The following CDKL1 variants were observed in gnomAD, a reference collection of about 807,000 sequenced individuals.
CDKL1 encodes the protein cyclin dependent kinase like 1, also known as cyclin-dependent kinase-like 1.
In CDKL1, 41 loss-of-function variants were observed where a neutral mutation model predicts 42.0. That is an observed-to-expected ratio of 0.98 (90% confidence interval 0.76 to 1.27). CDKL1 has a LOEUF of 1.27. Ranked by LOEUF, CDKL1 falls within the 50% of genes most tolerant of loss-of-function variation. The probability of loss-of-function intolerance (pLI) is 0.00; values close to 1 mark genes in which losing one functional copy is unlikely to be tolerated. For missense variants in CDKL1, 394 were observed against 428.4 expected (o/e 0.92, Z 0.71); for synonymous variants, 153 against 158.6 (o/e 0.96, Z 0.26).
At chr14:50,337,621 C>T (rs1401349157) in intron 7 of CDKL1, among the ~76,000 whole-genome samples, 5 of 151,692 alleles carry the variant, frequency 3.3e-5, no homozygotes, top group African/African-American at 4.8e-5. Context: ...TCCTGAGTTG[C>T]TAGAATTATA....
chr14:50,337,310 A>G (rs1442377791), intron 7 of CDKL1, among the ~76,000 whole-genome samples: 2 of 148,438 alleles, frequency 1.3e-5, no homozygotes, highest in African/African-American at 5.0e-5. Flanking sequence ...TGCCCAGCCT[A>G]CACTGTTTTA....
intron 9 of CDKL1, chr14:50,331,831 A>G (rs2032959131): frequency 1.7e-6 from 1 of 599,408 alleles, no homozygotes. Context: ...GCCCTAGCCA[A>G]CTCTGACAAA....
At position 50,330,226 on chromosome 14, in the gene CDKL1, A is replaced by C. The variant is rs8006969; in HGVS notation, c.967-45T>G. On this transcript the variant is annotated intron_variant, in intron 9 of 9. Transcript: ENST00000395834. Reference sequence around the variant, plus strand: ...AATTAGGTTCAAAACTGTGCCATGCATTTTTTTCATTATTTAGAATATATC... The same window carrying C: ...AATTAGGTTCAAAACTGTGCCATGCCTTTTTTTCATTATTTAGAATATATC... 3.8e-3 allele frequency: 6,021 copies of C among 1,574,958 alleles called. 58 individuals are homozygous for C. The highest frequency in any genetic ancestry group is 0.03 in the Middle Eastern group (182 of 5,988).
At chr14:50,390,506 T>C (rs2035225587) in intron 2 of CDKL1, 2 of 539,264 alleles carry the variant, frequency 3.7e-6, no homozygotes. Context: ...GGTTTGTATT[T>C]GTTTTGTATT....
chr14:50,367,300 C>T (rs1440702804), intron 2 of CDKL1, among the ~76,000 whole-genome samples: 2 of 152,292 alleles, frequency 1.3e-5, no homozygotes, highest in African/African-American at 2.4e-5. Context: ...TTATTGGAAA[C>T]GGTATCGGTG....
rs796566573 is a variant in CDKL1 at position 50,366,759 on chromosome 14, G to A, written c.169-7610C>T. Among the ~76,000 whole-genome samples the A allele has an allele frequency of 9.3e-5, 14 of 151,208 alleles. 1 individual carries two copies. Among genetic ancestry groups the A allele is most frequent in the African/African-American group, 3.2e-4 (13 of 40,522 alleles). The stretch of plus-strand genomic sequence containing the variant: ...GGTGATCGGCTGGAGGTGAGGGACA[G>A]GGGAGAAGGAAGTGTCAAAAATGAC... On this transcript the variant is annotated intron_variant, in intron 2 of 9. Coordinates refer to ENST00000395834, the MANE Select transcript of CDKL1 (RefSeq NM_004196.7).
At chr14:50,387,421 G>C (rs916221098) in intron 2 of CDKL1, among the ~76,000 whole-genome samples, 22 of 151,962 alleles carry the variant, frequency 1.4e-4, no homozygotes, top group African/African-American at 4.8e-4. Context: ...TACTCAGGAG[G>C]CTGAGGCAGG....
chr14:50,389,626 G>A (rs944765033), intron 2 of CDKL1, among the ~76,000 whole-genome samples: 2 of 152,004 alleles, frequency 1.3e-5, no homozygotes, highest in Non-Finnish European at 2.9e-5. Context: ...TTTGTAGGTG[G>A]CAAACCTACA....
intron 2 of CDKL1, among the ~76,000 whole-genome samples, chr14:50,388,817 T>C (rs1172176998): frequency 6.6e-6 from 1 of 152,004 alleles, no homozygotes; most frequent in Non-Finnish European, 1.5e-5. Context: ...TGAAGTTCCA[T>C]AGCTGGGTGT....
intron 4 of CDKL1, among the ~76,000 whole-genome samples, chr14:50,344,236 G>A (rs116223506): frequency 1.0e-3 from 154 of 152,214 alleles, no homozygotes; most frequent in African/African-American, 3.3e-3. Flanking sequence ...TTCGAGACTC[G>A]ACACTCATAT....
chr14:50,329,945 C>G lies in CDKL1; in HGVS notation c.*129G>C, dbSNP rs2032844866. ...CCTTCATATCTTGCCAGTTGGCCTC[C>G]CAGTTTCTTGCTTATGTTTTCTCCT... On this transcript the variant is annotated 3_prime_UTR_variant, in exon 10 of 10. Transcript: ENST00000395834. The G allele has an allele frequency of 3.5e-6, 4 of 1,142,292 alleles. No individual in the cohort carries two copies. The highest frequency in any genetic ancestry group is 4.7e-6 in the Non-Finnish European group (4 of 843,780). The allele number at this position is 1,142,292 out of a possible 1,614,324, so 70.8% of individuals were successfully genotyped here.
At chr14:50,377,468 A>G (rs1357732960) in intron 2 of CDKL1, 12 of 706,634 alleles carry the variant, frequency 1.7e-5, no homozygotes, top group African/African-American at 3.9e-5. Context: ...ACTTCCCAAA[A>G]TAAACTCCTA....
In CDKL1 at chr14:50,327,864, C is replaced by G. The variant is rs1248707539; in HGVS notation, c.*2210G>C. 6.6e-6 allele frequency: 1 copy of G among 152,028 alleles called. No homozygotes were observed. The highest frequency in any genetic ancestry group is 2.1e-4 in the South Asian group (1 of 4,822). 9.4% of individuals were successfully genotyped at this position (152,028 alleles called of 1,614,324 possible). A position where few individuals can be genotyped will look rare whatever the true frequency, so the allele number is the denominator to read the frequency against. On this transcript the variant is annotated 3_prime_UTR_variant, in exon 10 of 10. Transcript: ENST00000395834. ...TGTTTAACAATGTTGTGTTTAACAG[C>G]TTATACAAATAACACAGTATAAATG...
At chr14:50,368,585 T>G (rs1459949689) in intron 2 of CDKL1, among the ~76,000 whole-genome samples, 2 of 152,182 alleles carry the variant, frequency 1.3e-5, no homozygotes, top group Non-Finnish European at 1.5e-5. Context: ...TTTCAAATAC[T>G]GATGTTCCAT....
intron 3 of CDKL1, among the ~76,000 whole-genome samples, chr14:50,354,766 T>C (rs757863080): frequency 5.3e-5 from 8 of 152,174 alleles, no homozygotes; most frequent in Non-Finnish European, 1.2e-4. Flanking sequence ...CTCCAAAAGC[T>C]TTCCAAGGGA....
intron 2 of CDKL1, among the ~76,000 whole-genome samples, chr14:50,366,544 G>A (rs11157739): frequency 0.67 from 102,208 of 152,064 alleles, 34,713 homozygotes; most frequent in African/African-American, 0.75. Flanking sequence ...TCAGCAAGAC[G>A]TGATATGATA....
intron 3 of CDKL1, chr14:50,358,171 G>A: frequency 1.5e-6 from 2 of 1,304,834 alleles, no homozygotes; most frequent in African/African-American, 1.5e-5. Flanking sequence ...GGTAAGATCA[G>A]CGGAGCCCCC....
intron 2 of CDKL1, among the ~76,000 whole-genome samples, chr14:50,362,717 T>G (rs1298458534): frequency 1.3e-5 from 2 of 152,170 alleles, no homozygotes; most frequent in Non-Finnish European, 2.9e-5. Flanking sequence ...AGAACTTTTG[T>G]GTCTAGCTCA....
At chr14:50,379,133 T>C (rs946282336) in intron 2 of CDKL1, among the ~76,000 whole-genome samples, 3 of 152,154 alleles carry the variant, frequency 2.0e-5, no homozygotes, top group African/African-American at 7.2e-5. Context: ...ATTACAGGTG[T>C]GAGCCACAGC....
Sources: gnomAD v4.1 joint callset for allele counts (sites outside exome capture counted in the v4.1 genomes callset) on GRCh38, gnomAD v4.1.1 for gene constraint, MANE v1.5 for transcripts, NCBI Gene and HGNC (gene_info 2026-07-23, HGNC 2026-07-21) for gene names.